The following MANBA variants were observed in gnomAD, a reference collection of about 807,000 sequenced individuals.
The protein encoded by MANBA is beta-mannosidase.
A neutral mutation model predicts 111.1 loss-of-function variants in MANBA; 83 were observed. The ratio of observed to expected loss-of-function variants is 0.75; its 90% CI spans 0.63 to 0.90. MANBA has a LOEUF of 0.90. Among genes scored for constraint, MANBA ranks in the 40% least tolerant of loss-of-function variants. MANBA has a pLI of 0.00. For missense variants in MANBA, 1,036 were observed against 1,069.0 expected, an observed-to-expected ratio of 0.97 and a Z score of 0.43; for synonymous variants, 370 against 378.7, an observed-to-expected ratio of 0.98 and a Z score of 0.27.
intron 1 of MANBA, among the ~76,000 whole-genome samples, chr4:102,749,386 C>T (rs1435438169): frequency 2.0e-5 from 3 of 152,170 alleles, no homozygotes; most frequent in African/African-American, 4.8e-5. Context: ...TTCCAAGAGA[C>T]GGAGAATACA....
chr4:102,720,498 G>A (rs62327228), intron 4 of MANBA, among the ~76,000 whole-genome samples: 3,051 of 151,462 alleles, frequency 0.02, 60 homozygotes, highest in Non-Finnish European at 0.027. Context: ...CCAGCTACTC[G>A]GGAGGCTGAG....
chr4:102,731,203 T>C (rs1404802079), intron 1 of MANBA, among the ~76,000 whole-genome samples: 2 of 151,188 alleles, frequency 1.3e-5, no homozygotes, highest in East Asian at 3.9e-4. Context: ...AAAAAAAGAT[T>C]GGCTTCCCCT....
chr4:102,689,748 T>C (rs1732393073), intron 6 of MANBA, 64 bp from the exon 7 acceptor site: 1 of 906,606 alleles, frequency 1.1e-6, no homozygotes, highest in Admixed American at 1.7e-5. Context: ...GCTCAAAGCA[T>C]TACATCAATT....
intron 5 of MANBA, among the ~76,000 whole-genome samples, chr4:102,702,855 C>T (rs1230771737): frequency 6.6e-6 from 1 of 152,144 alleles, no homozygotes; most frequent in East Asian, 1.9e-4. Context: ...TGAAAAAGCA[C>T]AAAGATGACA....
At chr4:102,681,476 T>C (rs180817193) in intron 7 of MANBA, 12 of 152,332 alleles carry the variant, frequency 7.9e-5, no homozygotes, top group African/African-American at 2.9e-4. Flanking sequence ...AAATTTCAAT[T>C]CTAAAGACAC....
chr4:102,684,473 G>A (rs571358583), intron 7 of MANBA, among the ~76,000 whole-genome samples: 1 of 152,250 alleles, frequency 6.6e-6, no homozygotes, highest in African/African-American at 2.4e-5. Context: ...GCCGTTGGGG[G>A]CATATGTGCT....
At chr4:102,698,978 C>T (rs1732877493) in intron 5 of MANBA, among the ~76,000 whole-genome samples, 1 of 152,170 alleles carries the variant, frequency 6.6e-6, no homozygotes, top group African/African-American at 2.4e-5. Context: ...ATTGATTCTT[C>T]CTACCCATGA....
intron 5 of MANBA, among the ~76,000 whole-genome samples, chr4:102,703,081 T>G (rs10000705): frequency 0.028 from 4,231 of 152,314 alleles, 138 homozygotes; most frequent in African/African-American, 0.078. Context: ...CAAACCATTT[T>G]TAACACTACT....
chr4:102,756,063 T>C (rs980318827), intron 1 of MANBA, among the ~76,000 whole-genome samples: 9 of 152,234 alleles, frequency 5.9e-5, no homozygotes, highest in African/African-American at 2.2e-4. Context: ...GAAGACAGTG[T>C]GGCAATTCCT....
chr4:102,647,721 A>G (rs965499202), intron 13 of MANBA, among the ~76,000 whole-genome samples: 2 of 152,142 alleles, frequency 1.3e-5, no homozygotes, highest in African/African-American at 4.8e-5. Flanking sequence ...CATGAATTAC[A>G]TATAACCCTG....
At chr4:102,692,379 G>A (rs888206817) in intron 5 of MANBA, among the ~76,000 whole-genome samples, 6 of 152,294 alleles carry the variant, frequency 3.9e-5, no homozygotes, top group East Asian at 3.9e-4. Flanking sequence ...AGAATGTTTC[G>A]AAGAGGTTTT....
At chr4:102,684,830 A>G (rs1732139968) in intron 7 of MANBA, among the ~76,000 whole-genome samples, 1 of 152,210 alleles carries the variant, frequency 6.6e-6, no homozygotes, top group African/African-American at 2.4e-5. Context: ...TGGACAAGAC[A>G]GGGCAGGACA....
chr4:102,642,512 CAGG>C (rs1210500604), intron 13 of MANBA, among the ~76,000 whole-genome samples: 1 of 151,876 alleles, frequency 6.6e-6, no homozygotes, highest in African/African-American at 2.4e-5. Context: ...GAAGCTGAGG[CAGG>C]AGAATGGCTT....
At chr4:102,642,609 AAAG>A (rs1729930606) in intron 13 of MANBA, among the ~76,000 whole-genome samples, 1 of 152,224 alleles carries the variant, frequency 6.6e-6, no homozygotes, top group African/African-American at 2.4e-5. Flanking sequence ...TCTGTCTAAA[AAAG>A]AAGAAAAGAA....
chr4:102,652,749 G>A (rs544938341), intron 12 of MANBA, among the ~76,000 whole-genome samples: 1 of 152,134 alleles, frequency 6.6e-6, no homozygotes, highest in South Asian at 2.1e-4. Flanking sequence ...TAAAAAATCA[G>A]CCTGGTGTGG....
rs760992372 is a variant in MANBA at position 102,657,874 on chromosome 4, C to CTATT, written c.1511_1512insAATA (p.Ser505IlefsTer9). On this transcript the variant is annotated frameshift_variant, in exon 12 of 17. Transcript: ENST00000647097. LOFTEE classifies it high-confidence loss of function. ...TTTCAGCCCCATTTGTAGGACTGGA[C>CTATT]GTAATAAAAGGACGACTCTTGTCTC... The CTATT allele has an allele frequency of 1.4e-5, 22 of 1,612,846 alleles. No individual in the cohort carries two copies. The South Asian group carries it at 2.4e-4, about 18-fold the overall frequency.
At chr4:102,673,529 A>G (rs1731590012) in intron 8 of MANBA, among the ~76,000 whole-genome samples, 1 of 152,006 alleles carries the variant, frequency 6.6e-6, no homozygotes, top group South Asian at 2.1e-4. Context: ...AAAGGTAAAT[A>G]TGTGTTCTTA....
At chr4:102,758,142 T>C (rs577316136) in intron 1 of MANBA, among the ~76,000 whole-genome samples, 2 of 152,374 alleles carry the variant, frequency 1.3e-5, no homozygotes, top group South Asian at 4.1e-4. Context: ...TCACTGTCTC[T>C]TCCTTTAACC....
At chr4:102,638,604 C>T (rs545964487) in intron 14 of MANBA, among the ~76,000 whole-genome samples, 5 of 152,200 alleles carry the variant, frequency 3.3e-5, no homozygotes, top group Non-Finnish European at 1.5e-5. Flanking sequence ...ACAACCTCAT[C>T]CACAGACAGA....
Sources: allele counts gnomAD v4.1 joint callset (sites outside exome capture counted in the v4.1 genomes callset), GRCh38; gene constraint gnomAD v4.1.1; transcripts MANE v1.5; gene names NCBI Gene and HGNC (gene_info 2026-07-23, HGNC 2026-07-21).